DTD1: variants seen among roughly 807,000 people sequenced by gnomAD.
DTD1 encodes D-aminoacyl-tRNA deacylase 1.
DTD1 carries 13 observed loss-of-function variants against 25.6 expected under a neutral mutation model. That is an observed-to-expected ratio of 0.51 (90% CI 0.33 to 0.81). The LOEUF (loss-of-function observed/expected upper bound fraction) is 0.81, where lower values mean the gene tolerates loss of function less well. Ranked by LOEUF, DTD1 falls within the 30% of genes least tolerant of loss-of-function variation. The pLI is 0.02. For synonymous variants in DTD1, 110 were observed against 103.6 expected (o/e 1.06, Z -0.37); for missense variants, 193 against 266.4 (o/e 0.72, Z 1.92).
chr20:18,714,783 T>C (rs528547552), intron 4 of DTD1, among the ~76,000 whole-genome samples: 16 of 151,892 alleles, frequency 1.1e-4, no homozygotes, highest in African/African-American at 3.9e-4. Context: ...CTTTAAAAAA[T>C]TTCTCCTCAG....
chr20:18,600,670 G>C (rs1219120110), intron 3 of DTD1, among the ~76,000 whole-genome samples: 1 of 152,150 alleles, frequency 6.6e-6, no homozygotes, highest in Non-Finnish European at 1.5e-5. Flanking sequence ...GGATTGCATT[G>C]AGTCTGTAGA....
chr20:18,661,851 A>C lies in DTD1; in HGVS notation c.477+33618A>C, dbSNP rs147085526. On this transcript the variant is annotated intron_variant, in intron 4 of 5. Transcript: ENST00000377452. ...TAATGTCCAGAAGAAATATAAATGG[A>C]CATTAAGATTTGAAAAGAGACCAGG... Among the ~76,000 whole-genome samples the C allele has an allele frequency of 1.2e-3, 176 of 152,334 alleles. 3 individuals are homozygous for C. Among genetic ancestry groups the C allele is most frequent in the African/African-American group, 3.8e-3 (157 of 41,578 alleles).
At chr20:18,747,566 A>T (rs1343770448) in intron 5 of DTD1, among the ~76,000 whole-genome samples, 1 of 152,070 alleles carries the variant, frequency 6.6e-6, no homozygotes, top group Non-Finnish European at 1.5e-5. Flanking sequence ...CAGAAGCAAA[A>T]CTCAGATTGG....
chr20:18,645,713 G>T (rs1347576287), intron 4 of DTD1, among the ~76,000 whole-genome samples: 1 of 152,124 alleles, frequency 6.6e-6, no homozygotes. Context: ...TTGGTACCTG[G>T]GTTATGGGTA....
At chr20:18,734,757 C>G (rs964157489) in intron 4 of DTD1, among the ~76,000 whole-genome samples, 3 of 152,186 alleles carry the variant, frequency 2.0e-5, no homozygotes, top group African/African-American at 2.4e-5. Context: ...GTTTAAGTGA[C>G]TTGACAAAAA....
At chr20:18,590,627 T>A (rs2122236327) in intron 1 of DTD1, among the ~76,000 whole-genome samples, 1 of 152,226 alleles carries the variant, frequency 6.6e-6, no homozygotes, top group Admixed American at 6.5e-5. Flanking sequence ...CGCGCCACTG[T>A]GCCTGGCTAA....
intron 1 of DTD1, among the ~76,000 whole-genome samples, chr20:18,589,393 CAAAA>C (rs933783705): frequency 6.7e-6 from 1 of 150,056 alleles, no homozygotes; most frequent in Non-Finnish European, 1.5e-5. Context: ...AAAAACAAAA[CAAAA>C]CAAAAACAAC....
At position 18,764,668 on chromosome 20, in the gene DTD1, C is replaced by G. The variant is rs992822352; in HGVS notation, c.*1328C>G. On this transcript the variant is annotated 3_prime_UTR_variant, in exon 6 of 6. Coordinates refer to ENST00000377452, the MANE Select transcript of DTD1 (RefSeq NM_080820.6). ...TAGAGTTGGAAAAGGGTCTGCCAGACTGCTTTGTTCTAAACCAATTCAGAT... is the reference window on the plus strand; with the variant it reads ...TAGAGTTGGAAAAGGGTCTGCCAGAGTGCTTTGTTCTAAACCAATTCAGAT... The G allele has an allele frequency of 2.6e-5, 4 of 152,214 alleles. No homozygotes were observed. Among genetic ancestry groups the G allele is most frequent in the Non-Finnish European group, 5.9e-5 (4 of 68,038 alleles). 9.4% of individuals were successfully genotyped at this position (152,214 alleles called of 1,614,324 possible). A position where few individuals can be genotyped will look rare whatever the true frequency, so the allele number is the denominator to read the frequency against.
intron 4 of DTD1, among the ~76,000 whole-genome samples, chr20:18,629,907 G>A (rs755476614): frequency 9.9e-5 from 15 of 152,080 alleles, no homozygotes; most frequent in East Asian, 1.9e-4. Flanking sequence ...TCACTGTCAC[G>A]AGAACAGCAA....
At chr20:18,683,066 C>T (rs1413353396) in intron 4 of DTD1, among the ~76,000 whole-genome samples, 1 of 152,150 alleles carries the variant, frequency 6.6e-6, no homozygotes, top group African/African-American at 2.4e-5. Context: ...TCCTATTAGT[C>T]GGTTGTGGTG....
intron 4 of DTD1, among the ~76,000 whole-genome samples, chr20:18,731,977 T>C (rs900853219): frequency 6.6e-6 from 1 of 152,220 alleles, no homozygotes; most frequent in East Asian, 1.9e-4. Context: ...TTAGCTCCCA[T>C]GTGGGCTACT....
chr20:18,701,866 T>C (rs2281580), intron 4 of DTD1, among the ~76,000 whole-genome samples: 54,992 of 152,164 alleles, frequency 0.36, 10,266 homozygotes, highest in Non-Finnish European at 0.41. Context: ...TCAGATAAAA[T>C]GCATGAAGTA....
chr20:18,622,302 C>G (rs2060737798), intron 3 of DTD1, among the ~76,000 whole-genome samples: 1 of 152,060 alleles, frequency 6.6e-6, no homozygotes, highest in African/African-American at 2.4e-5. Context: ...TCTCATTGTT[C>G]AACTCCCACT....
chr20:18,636,918 C>G (rs2060809712), intron 4 of DTD1, among the ~76,000 whole-genome samples: 1 of 152,210 alleles, frequency 6.6e-6, no homozygotes, highest in South Asian at 2.1e-4. Context: ...ATGGTGCTTA[C>G]TAAAATGCAG....
chr20:18,663,721 C>T (rs1036341790), intron 4 of DTD1, among the ~76,000 whole-genome samples: 2 of 152,166 alleles, frequency 1.3e-5, no homozygotes, highest in African/African-American at 4.8e-5. Context: ...ATTTAATTGA[C>T]TCACAGTTAT....
intron 4 of DTD1, among the ~76,000 whole-genome samples, chr20:18,721,163 A>G (rs1271489367): frequency 2.0e-5 from 3 of 152,192 alleles, no homozygotes; most frequent in Admixed American, 6.5e-5. Flanking sequence ...TTTAGAGACA[A>G]TGCTTCTATT....
intron 3 of DTD1, among the ~76,000 whole-genome samples, chr20:18,626,169 T>C (rs775066409): frequency 1.3e-5 from 2 of 152,244 alleles, no homozygotes; most frequent in Non-Finnish European, 2.9e-5. Flanking sequence ...TGTGCTGGGC[T>C]GTGTACTAAC....
In DTD1 at chr20:18,728,790, G is replaced by A. The variant is rs533732296; in HGVS notation, c.478-15310G>A. Among the ~76,000 whole-genome samples, 6 of 152,278 alleles carry A rather than the reference G, an allele frequency of 3.9e-5. No individual in the cohort carries two copies. The East Asian group carries it at 7.7e-4, about 20-fold the overall frequency. On this transcript the variant is annotated intron_variant, in intron 4 of 5. Coordinates refer to ENST00000377452, the MANE Select transcript of DTD1 (RefSeq NM_080820.6). ...AAAAGCCCCTGCCTGGGTCCCCTGG[G>A]TCTGTCTGGTGGTAGGTGTATTTTG...
rs78350014 is a variant in DTD1 at position 18,721,732 on chromosome 20, G to C, written c.478-22368G>C. 7.8e-3 allele frequency among the ~76,000 whole-genome samples: 1,186 copies of C among 152,286 alleles called. 8 individuals are homozygous for C. The highest frequency in any genetic ancestry group is 0.012 in the Non-Finnish European group (849 of 68,026). The stretch of plus-strand genomic sequence containing the variant: ...TTTTTCCTCCCACTTTCAAAGCCAG[G>C]CTTGTTTCCTATTTTAAGTTTTATT... On this transcript the variant is annotated intron_variant, in intron 4 of 5. Coordinates refer to ENST00000377452, the MANE Select transcript of DTD1 (RefSeq NM_080820.6).
Sources: allele counts gnomAD v4.1 joint callset (sites outside exome capture counted in the v4.1 genomes callset), GRCh38; gene constraint gnomAD v4.1.1; transcripts MANE v1.5; gene names NCBI Gene and HGNC (gene_info 2026-07-23, HGNC 2026-07-21).